The following LAMP2 variants were observed in gnomAD, a reference collection of about 807,000 sequenced individuals.
LAMP2 encodes lysosome associated membrane protein 2.
Under a neutral mutation model 25.6 loss-of-function variants are expected in LAMP2, and 4 were observed. The ratio of observed to expected loss-of-function variants is 0.16; its 90% CI spans 0.08 to 0.36. LAMP2 has a LOEUF of 0.36. Among genes scored for constraint, LAMP2 ranks in the 10% least tolerant of loss-of-function variants. The pLI is 1.00. For synonymous variants in LAMP2, 108 were observed against 112.7 expected (o/e 0.96, Z 0.27); for missense variants, 272 against 301.4 (o/e 0.90, Z 0.72).
intron 8 of LAMP2, among the ~76,000 whole-genome samples, chrX:120,439,603 T>C (rs1380959359): frequency 2.7e-5 from 3 of 109,430 alleles, no homozygotes; most frequent in Non-Finnish European, 5.7e-5. Flanking sequence ...TATATGCACA[T>C]TGTATATGTG....
chrX:120,448,466 A>T (rs1235458755), intron 4 of LAMP2, among the ~76,000 whole-genome samples: 1 of 113,044 alleles, frequency 8.8e-6, no homozygotes, highest in African/African-American at 3.2e-5. Context: ...ACTTAAATAC[A>T]AATGAACCAT....
intron 4 of LAMP2, among the ~76,000 whole-genome samples, chrX:120,448,253 T>C (rs2058606895): frequency 8.9e-6 from 1 of 112,244 alleles, no homozygotes; most frequent in Non-Finnish European, 1.9e-5. Context: ...TCAGGACACA[T>C]CCCTATGCTT....
chrX:120,459,905 G>A (rs932404721), intron 1 of LAMP2, among the ~76,000 whole-genome samples: 7 of 112,052 alleles, frequency 6.2e-5, no homozygotes, highest in Non-Finnish European at 1.1e-4. Flanking sequence ...ATAAACAGTC[G>A]ATTCACACAT....
chrX:120,457,200 GT>G (rs1657886048), intron 1 of LAMP2, among the ~76,000 whole-genome samples: 1 of 111,510 alleles, frequency 9.0e-6, no homozygotes, highest in Non-Finnish European at 1.9e-5. Context: ...GGTAAATGAG[GT>G]AAGAGGAAGC....
chrX:120,439,255 G>A (rs748244453), intron 8 of LAMP2: 1 of 1,209,302 alleles, frequency 8.3e-7, no homozygotes, highest in South Asian at 1.8e-5. Context: ...ACTATAATTG[G>A]GATTAGAATG....
chrX:120,438,932 C>A (rs1427114728), intron 8 of LAMP2: 50 of 998,385 alleles, frequency 5.0e-5, no homozygotes, highest in Non-Finnish European at 6.0e-5. Flanking sequence ...TTTTGCACAT[C>A]TTTTGCTGTA....
intron 1 of LAMP2, among the ~76,000 whole-genome samples, chrX:120,457,525 CAA>C (rs1416831271): frequency 8.9e-6 from 1 of 112,258 alleles, no homozygotes; most frequent in Non-Finnish European, 1.9e-5. Context: ...TTTTTTGACG[CAA>C]AGTTATTTCC....
intron 8 of LAMP2, among the ~76,000 whole-genome samples, chrX:120,440,381 T>C: frequency 8.9e-6 from 1 of 112,126 alleles, no homozygotes; most frequent in South Asian, 3.7e-4. Context: ...AACACTCTTC[T>C]GCCTTATTGC....
intron 6 of LAMP2, among the ~76,000 whole-genome samples, chrX:120,444,910 G>C (rs1320199143): frequency 8.9e-6 from 1 of 111,909 alleles, no homozygotes; most frequent in Non-Finnish European, 1.9e-5. Context: ...GGACATTGCA[G>C]GTGTCTCTTG....
At chrX:120,461,781 T>C (rs1921322480) in intron 1 of LAMP2, among the ~76,000 whole-genome samples, 1 of 112,180 alleles carries the variant, frequency 8.9e-6, no homozygotes, top group South Asian at 3.7e-4. Flanking sequence ...GAAAACACAC[T>C]GCAATAGGGA....
At chrX:120,441,368 G>T (rs750247601) in intron 8 of LAMP2, among the ~76,000 whole-genome samples, 1 of 111,864 alleles carries the variant, frequency 8.9e-6, no homozygotes, top group Non-Finnish European at 1.9e-5. Flanking sequence ...AGACCAAACT[G>T]CTTTCATTCA....
chrX:120,450,928 T>C (rs1427844723), intron 3 of LAMP2, among the ~76,000 whole-genome samples: 1 of 109,950 alleles, frequency 9.1e-6, no homozygotes, highest in Admixed American at 9.8e-5. Flanking sequence ...GTAACTTATA[T>C]ATATATAATT....
At chrX:120,463,062 T>C (rs893550805) in intron 1 of LAMP2, among the ~76,000 whole-genome samples, 13 of 112,238 alleles carry the variant, frequency 1.2e-4, no homozygotes, top group African/African-American at 4.2e-4. Flanking sequence ...GAATTTAGAA[T>C]GATGTTGAGC....
intron 1 of LAMP2, among the ~76,000 whole-genome samples, chrX:120,466,827 G>A (rs1316751187): frequency 9.5e-6 from 1 of 105,268 alleles, no homozygotes; most frequent in Non-Finnish European, 1.9e-5. Context: ...AAAGGACAAA[G>A]GACAAATAAC....
At chrX:120,442,510 T>C (rs2058577963) in intron 7 of LAMP2, 89 bp downstream of exon 7, 1 of 740,875 alleles carries the variant, frequency 1.3e-6, no homozygotes, top group Non-Finnish European at 2.1e-6. Context: ...TTTCATTAAA[T>C]AAGGCACTAT....
At chrX:120,438,405 T>C (rs2058555192) in intron 8 of LAMP2, 1 of 744,401 alleles carries the variant, frequency 1.3e-6, no homozygotes, top group Admixed American at 8.6e-5. Context: ...TGGATTGAAA[T>C]GCCCAGTTGG....
Position 120,428,606 on chromosome X carries a change from A to G in LAMP2, c.*2717T>C. 8.4e-7 allele frequency: 1 copy of G among 1,191,106 alleles called. No individual in the cohort carries two copies. Among genetic ancestry groups the G allele is most frequent in the Non-Finnish European group, 1.1e-6 (1 of 885,904 alleles). ...ACAGGAATAAGAAAGTTGAGGTCAG[A>G]GTCAGCAGAACATTCTTCAGCTGTT... is the stretch of plus-strand genomic sequence containing the variant. On this transcript the variant is annotated 3_prime_UTR_variant, in exon 9 of 9. Transcript: ENST00000200639.
intron 8 of LAMP2, among the ~76,000 whole-genome samples, chrX:120,432,838 T>C (rs5957384): frequency 0.078 from 8,596 of 109,658 alleles, 814 homozygotes; most frequent in African/African-American, 0.27. Flanking sequence ...CTTACGCCTG[T>C]AGTCCTAGCT....
rs1184435156 is a variant in LAMP2, at chrX:120,429,001, T to C, written c.*2322A>G. 6 of 650,945 alleles carry C rather than the reference T, an allele frequency of 9.2e-6. No individual in the cohort carries two copies. In the South Asian group the frequency reaches 3.2e-4, roughly 35 times the overall value. 53.6% of individuals were successfully genotyped at this position (650,945 alleles called of 1,213,427 possible). On this transcript the variant is annotated 3_prime_UTR_variant, in exon 9 of 9. Transcript: ENST00000200639. ...CTTCGTCACACCTATAATTAAAGTA[T>C]AAATAAGAATTCTGTATAAGTAATA...
Sources: allele counts gnomAD v4.1 joint callset (sites outside exome capture counted in the v4.1 genomes callset), GRCh38; gene constraint gnomAD v4.1.1; transcripts MANE v1.5; gene names NCBI Gene and HGNC (gene_info 2026-07-23, HGNC 2026-07-21).